The following FAM163A variants were observed in gnomAD, a reference collection of about 807,000 sequenced individuals.
The protein encoded by FAM163A is family with sequence similarity 163 member A, also known as protein FAM163A.
In FAM163A, 7 loss-of-function variants were observed where a neutral mutation model predicts 12.0. That is an observed-to-expected ratio of 0.58 (90% CI 0.33 to 1.10). The LOEUF (loss-of-function observed/expected upper bound fraction) is 1.10, where lower values mean the gene tolerates loss of function less well. Among genes scored for constraint, FAM163A ranks in the 50% least tolerant of loss-of-function variants. The probability of loss-of-function intolerance (pLI) is 0.03; values close to 1 mark genes in which losing one functional copy is unlikely to be tolerated. For synonymous variants in FAM163A, 101 were observed against 91.0 expected (o/e 1.11, Z -0.62); for missense variants, 202 against 218.6 (o/e 0.92, Z 0.48).
chr1:179,732,290 C>G, the FAM163A span, among the ~76,000 whole-genome samples: 3 of 152,214 alleles, frequency 2.0e-5, no homozygotes, highest in Non-Finnish European at 4.4e-5. Context: ...TAAATATCTT[C>G]TGGTGACCCA....
upstream of FAM163A, among the ~76,000 whole-genome samples, chr1:179,738,991 A>C (rs1321658960): frequency 6.6e-6 from 1 of 152,226 alleles, no homozygotes; most frequent in Non-Finnish European, 1.5e-5. Context: ...ATGGAATGGA[A>C]TAGAGAATCC....
chr1:179,813,185 C>A lies in FAM163A; in HGVS notation c.88C>A (p.Leu30Ile), dbSNP rs143407135. ...CIIAVLCYCR[L>I]QYYCCKKSGT... ...CATTGCCGTCCTGTGCTACTGCAGG[C>A]TCCAGGTCAGTCCCCGGGACCCGTA... is the stretch of plus-strand genomic sequence containing the variant. Residue 30 changes from leucine to isoleucine, a missense_variant, in exon 4 of 5, where the codon CTC (leucine) becomes ATC (isoleucine). Coordinates refer to ENST00000341785, the MANE Select transcript of FAM163A (RefSeq NM_173509.3). 2 of 1,551,728 alleles carry A rather than the reference C, an allele frequency of 1.3e-6. No individual in the cohort carries two copies. Among genetic ancestry groups the A allele is most frequent in the Admixed American group, 2.0e-5 (1 of 51,002 alleles).
the FAM163A span, among the ~76,000 whole-genome samples, chr1:179,736,341 A>T: frequency 2.6e-5 from 4 of 152,084 alleles, no homozygotes; most frequent in Non-Finnish European, 5.9e-5. Flanking sequence ...AAAAAAAAAA[A>T]ATAACCCAAC....
intron 1 of FAM163A, among the ~76,000 whole-genome samples, chr1:179,766,009 G>A (rs1031466826): frequency 2.0e-5 from 3 of 152,150 alleles, no homozygotes; most frequent in African/African-American, 7.2e-5. Context: ...TGGATGAATG[G>A]ACAAAACTGT....
At chr1:179,792,724 A>G (rs555475844) in intron 1 of FAM163A, among the ~76,000 whole-genome samples, 105 of 152,262 alleles carry the variant, frequency 6.9e-4, no homozygotes, top group African/African-American at 2.0e-3. Flanking sequence ...CACAGAGCTC[A>G]TACTAAAACA....
chr1:179,778,011 A>G (rs1689219637), intron 1 of FAM163A, among the ~76,000 whole-genome samples: 4 of 152,176 alleles, frequency 2.6e-5, no homozygotes, highest in Non-Finnish European at 5.9e-5. Flanking sequence ...TGATGGTGTT[A>G]TGTTCCCATA....
chr1:179,736,540 T>C, the FAM163A span, among the ~76,000 whole-genome samples: 10 of 152,298 alleles, frequency 6.6e-5, no homozygotes, highest in Admixed American at 1.3e-4. Flanking sequence ...CCAGGCATGG[T>C]GGCTTACTCC....
At chr1:179,807,209 G>A (rs1005672826) in intron 1 of FAM163A, among the ~76,000 whole-genome samples, 1 of 152,176 alleles carries the variant, frequency 6.6e-6, no homozygotes, top group African/African-American at 2.4e-5. Context: ...GGATGTCTCG[G>A]GAGGGCCCTG....
intron 1 of FAM163A, among the ~76,000 whole-genome samples, chr1:179,748,649 G>T (rs1364333870): frequency 2.0e-5 from 3 of 152,222 alleles, no homozygotes; most frequent in Non-Finnish European, 4.4e-5. Context: ...CAAGTGACAT[G>T]CTGTCAGGTG....
chr1:179,766,261 G>A (rs1215962773), intron 1 of FAM163A, among the ~76,000 whole-genome samples: 1 of 152,094 alleles, frequency 6.6e-6, no homozygotes, highest in African/African-American at 2.4e-5. Flanking sequence ...AACCTAACTT[G>A]CCCTCCGCTT....
At chr1:179,765,677 A>ATTTTTTT (rs749528573) in intron 1 of FAM163A, among the ~76,000 whole-genome samples, 1 of 127,230 alleles carries the variant, frequency 7.9e-6, no homozygotes, top group African/African-American at 3.0e-5. Flanking sequence ...AGCTTTGGGA[A>ATTTTTTT]TTTTTTTTTT....
chr1:179,780,934 A>G (rs1689635602), intron 1 of FAM163A, among the ~76,000 whole-genome samples: 1 of 152,166 alleles, frequency 6.6e-6, no homozygotes, highest in Non-Finnish European at 1.5e-5. Flanking sequence ...TGCTGATTAT[A>G]ATATGTGGCA....
At chr1:179,782,999 G>A (rs1690010389) in intron 1 of FAM163A, among the ~76,000 whole-genome samples, 1 of 152,072 alleles carries the variant, frequency 6.6e-6, no homozygotes, top group Non-Finnish European at 1.5e-5. Flanking sequence ...GTGTGGTGGT[G>A]CATGCCTGTA....
intron 3 of FAM163A, 38 bp from the exon 4 acceptor site, chr1:179,813,038 G>A: frequency 6.5e-7 from 1 of 1,537,798 alleles, no homozygotes; most frequent in African/African-American, 1.4e-5. Flanking sequence ...CAGGGCTGCA[G>A]CCACAGCTGG....
chr1:179,753,785 G>A (rs1031236478), intron 1 of FAM163A, among the ~76,000 whole-genome samples: 2 of 152,190 alleles, frequency 1.3e-5, no homozygotes, highest in African/African-American at 4.8e-5. Flanking sequence ...AGCACTAGGA[G>A]AAAGACTCGG....
chr1:179,760,709 G>A (rs1571352948), intron 1 of FAM163A, among the ~76,000 whole-genome samples: 1 of 152,334 alleles, frequency 6.6e-6, no homozygotes, highest in East Asian at 1.9e-4. Flanking sequence ...GGCAAAGGCA[G>A]GAGCAGAGGG....
In FAM163A at chr1:179,813,871, C is replaced by T; in HGVS notation, c.186C>T (p.Cys62=). Residue 62 remains cysteine (C), a synonymous_variant, in exon 5 of 5, where the codon TGC becomes TGT. Transcript: ENST00000341785. ...DLPTHPRGPT[C]NACSSQALDG... ...CCACGCATCCCAGAGGCCCCACCTG[C>T]AATGCCTGCAGCTCCCAAGCCCTGG... 6.2e-7 allele frequency: 1 copy of T among 1,614,040 alleles called. No individual in the cohort carries two copies. The highest frequency in any genetic ancestry group is 1.7e-5 in the Admixed American group (1 of 60,026).
chr1:179,781,376 G>A (rs898561430), intron 1 of FAM163A, among the ~76,000 whole-genome samples: 6 of 151,868 alleles, frequency 4.0e-5, no homozygotes, highest in Admixed American at 1.3e-4. Context: ...ACTTCTCTCT[G>A]ATCTCCCCTT....
chr1:179,736,120 G>A, the FAM163A span, among the ~76,000 whole-genome samples: 1 of 152,128 alleles, frequency 6.6e-6, no homozygotes, highest in Non-Finnish European at 1.5e-5. Flanking sequence ...ACTGGTTTTG[G>A]CAATGATTTC....
Sources: gnomAD v4.1 joint callset for allele counts (sites outside exome capture counted in the v4.1 genomes callset) on GRCh38, gnomAD v4.1.1 for gene constraint, MANE v1.5 for transcripts, NCBI Gene and HGNC (gene_info 2026-07-23, HGNC 2026-07-21) for gene names.